NCOR2: variants seen among roughly 807,000 people sequenced by gnomAD.
NCOR2 encodes nuclear receptor corepressor 2, also known as CTG repeat protein 26.
NCOR2 carries 81 observed loss-of-function variants against 262.9 expected under a neutral mutation model. The observed-to-expected ratio is 0.31, with a 90% confidence interval of 0.26 to 0.37. NCOR2 has a LOEUF of 0.37. Among genes scored for constraint, NCOR2 ranks in the 10% least tolerant of loss-of-function variants. The pLI, the probability that NCOR2 is intolerant of heterozygous loss-of-function variation, is 1.00. For missense variants in NCOR2, 3,385 were observed against 3,621.4 expected (o/e 0.93, Z 1.68); for synonymous variants, 1,659 against 1,559.3 (o/e 1.06, Z -1.51).
chr12:124,341,355 T>C (rs533613522), intron 34 of NCOR2, among the ~76,000 whole-genome samples: 56 of 152,204 alleles, frequency 3.7e-4, no homozygotes, highest in Non-Finnish European at 6.6e-4. Context: ...TTCTCTTGCC[T>C]CAGCCTAGTG....
chr12:124,435,954 T>C (rs1379687964), intron 8 of NCOR2, among the ~76,000 whole-genome samples: 3 of 152,210 alleles, frequency 2.0e-5, no homozygotes, highest in Non-Finnish European at 2.9e-5. Flanking sequence ...CAGGACTAAA[T>C]GCCCTAATGT....
chr12:124,438,322 C>T (rs1400208282), intron 7 of NCOR2, among the ~76,000 whole-genome samples: 2 of 152,154 alleles, frequency 1.3e-5, no homozygotes, highest in African/African-American at 4.8e-5. Context: ...AAGATGGCCA[C>T]GGAGAAACAG....
At chr12:124,339,946 A>T in intron 37 of NCOR2, 60 bp downstream of exon 39, 3 of 1,433,260 alleles carry the variant, frequency 2.1e-6, no homozygotes, top group Non-Finnish European at 2.8e-6. Context: ...TTATCTGCTC[A>T]TCCTCCTACT....
chr12:124,374,155 G>A (rs910548318), intron 19 of NCOR2, among the ~76,000 whole-genome samples: 15 of 152,200 alleles, frequency 9.9e-5, no homozygotes, highest in African/African-American at 2.2e-4. Flanking sequence ...AATCAAACCC[G>A]GTCGGAGACC....
intron 8 of NCOR2, among the ~76,000 whole-genome samples, chr12:124,436,576 T>C (rs150211686): frequency 6.6e-6 from 1 of 152,174 alleles, no homozygotes; most frequent in African/African-American, 2.4e-5. Context: ...AATGACATCA[T>C]CCCCAACTGT....
intron 6 of NCOR2, among the ~76,000 whole-genome samples, chr12:124,455,191 TAA>T (rs1417674640): frequency 1.3e-5 from 2 of 152,328 alleles, no homozygotes; most frequent in Middle Eastern, 3.4e-3. Flanking sequence ...GTGAATACAC[TAA>T]AACCCACTGA....
intron 13 of NCOR2, among the ~76,000 whole-genome samples, chr12:124,409,402 G>A (rs745670033): frequency 6.6e-6 from 1 of 152,210 alleles, no homozygotes; most frequent in Admixed American, 6.5e-5. Context: ...TGCCTGGCCA[G>A]TCCCTTCTTA....
At chr12:124,338,069 C>T (rs972681531) in intron 37 of NCOR2, among the ~76,000 whole-genome samples, 1 of 152,206 alleles carries the variant, frequency 6.6e-6, no homozygotes, top group Non-Finnish European at 1.5e-5. Context: ...GTGACAAAGT[C>T]GCCACTGCTT....
rs3782259 is a variant in NCOR2 at position 124,382,337 on chromosome 12, C to T, written c.2019+3408G>A. Among the ~76,000 whole-genome samples the T allele has an allele frequency of 1.9e-3, 288 of 152,310 alleles. 2 individuals carry two copies. In the East Asian group the frequency reaches 0.021, roughly 11 times the overall value. ...CTGTAGTGGGTCCCTGCATCTGCTCCGCTTTCTCTGCAGCCCGCGATATGA... is the reference window on the plus strand; with the variant it reads ...CTGTAGTGGGTCCCTGCATCTGCTCTGCTTTCTCTGCAGCCCGCGATATGA... On this transcript the variant is annotated intron_variant, in intron 17 of 46. Coordinates refer to ENST00000405201, the Ensembl canonical transcript of NCOR2.
At chr12:124,473,966 C>T (rs1459495882) in intron 3 of NCOR2, among the ~76,000 whole-genome samples, 1 of 152,204 alleles carries the variant, frequency 6.6e-6, no homozygotes, top group Admixed American at 6.5e-5. Flanking sequence ...GAGTCCCTTA[C>T]AGCCTTCAAG....
intron 34 of NCOR2, 91 bp downstream of exon 36, chr12:124,341,732 G>C: frequency 6.6e-7 from 1 of 1,526,484 alleles, no homozygotes; most frequent in East Asian, 2.3e-5. Context: ...AGGTGACCAG[G>C]TCTAGCTGCC....
intron 7 of NCOR2, among the ~76,000 whole-genome samples, chr12:124,438,985 A>ACAG (rs2044606176): frequency 7.9e-6 from 1 of 125,934 alleles, no homozygotes; most frequent in Non-Finnish European, 1.7e-5. Flanking sequence ...AGACCCAGAG[A>ACAG]GAGAGAGATG....
exon 10 of NCOR2, chr12:124,429,661 G>A: frequency 6.2e-7 from 1 of 1,609,668 alleles, no homozygotes. Context: ...CGTGCTCGCT[G>A]CGGGCGGCCG....
chr12:124,343,193 C>T (rs1445774603), exon 33 of NCOR2: 14 of 1,608,828 alleles, frequency 8.7e-6, no homozygotes, highest in African/African-American at 2.7e-5. Context: ...CGTCAGCTTT[C>T]GGTCCTGGGA....
At chr12:124,396,960 C>T (rs1309079149) in intron 16 of NCOR2, among the ~76,000 whole-genome samples, 3 of 152,210 alleles carry the variant, frequency 2.0e-5, no homozygotes, top group Non-Finnish European at 4.4e-5. Flanking sequence ...CAGACAGCCT[C>T]GACTCCAGCA....
intron 16 of NCOR2, among the ~76,000 whole-genome samples, chr12:124,396,472 T>A (rs1191303788): frequency 6.6e-6 from 1 of 152,040 alleles, no homozygotes; most frequent in Admixed American, 6.5e-5. Flanking sequence ...GAAACAACAA[T>A]GTGGCCTCTC....
intron 37 of NCOR2, 113 bp downstream of exon 39, chr12:124,339,893 G>GGCCCCCCACCCCCCC: frequency 3.5e-6 from 2 of 566,002 alleles, no homozygotes; most frequent in Non-Finnish European, 3.0e-6. Flanking sequence ...CCACACATCT[G>GGCCCCCCACCCCCCC]CCCACCCACC....
At chr12:124,325,375 C>CGG (rs1593050777) in exon 47 of NCOR2, 1 of 406,198 alleles carries the variant, frequency 2.5e-6, no homozygotes, top group East Asian at 4.5e-5. Flanking sequence ...GGACCTGACA[C>CGG]CGCCCCCCCC....
chr12:124,444,623 T>C (rs1036543665), intron 7 of NCOR2, among the ~76,000 whole-genome samples: 1 of 151,824 alleles, frequency 6.6e-6, no homozygotes, highest in Non-Finnish European at 1.5e-5. Flanking sequence ...GAGGCAGCAA[T>C]AGTGAATCTG....
Sources: gnomAD v4.1 joint callset for allele counts (sites outside exome capture counted in the v4.1 genomes callset) on GRCh38, gnomAD v4.1.1 for gene constraint, MANE v1.5 for transcripts, NCBI Gene and HGNC (gene_info 2026-07-23, HGNC 2026-07-21) for gene names.